The following CRACR2A variants were observed in gnomAD, a reference collection of about 807,000 sequenced individuals.
The protein encoded by CRACR2A is calcium release activated channel regulator 2A.
CRACR2A carries 79 observed loss-of-function variants against 90.5 expected under a neutral mutation model. The ratio of observed to expected loss-of-function variants is 0.87; its 90% CI spans 0.73 to 1.05. The LOEUF (loss-of-function observed/expected upper bound fraction) is 1.05. CRACR2A is among the 50% of genes least tolerant of loss of function. CRACR2A has a pLI of 0.00. For synonymous variants in CRACR2A, 338 were observed against 356.7 expected, an observed-to-expected ratio of 0.95 and a Z score of 0.59; for missense variants, 823 against 897.2, an observed-to-expected ratio of 0.92 and a Z score of 1.06.
chr12:3,725,435 TTCTC>T (rs1555119922), intron 2 of CRACR2A, among the ~76,000 whole-genome samples: 2 of 152,192 alleles, frequency 1.3e-5, no homozygotes, highest in South Asian at 2.1e-4. Flanking sequence ...TTTGGCCTTC[TTCTC>T]TCTATGTCCC....
chr12:3,713,344 C>T (rs1231921378), intron 2 of CRACR2A, 27 bp from the exon 3 acceptor site: 1 of 978,534 alleles, frequency 1.0e-6, no homozygotes, highest in Non-Finnish European at 1.2e-6. Flanking sequence ...AGATGAATCA[C>T]ACCTTATTTT....
intron 7 of CRACR2A, among the ~76,000 whole-genome samples, chr12:3,666,967 C>T (rs1445084756): frequency 6.6e-6 from 1 of 152,216 alleles, no homozygotes; most frequent in African/African-American, 2.4e-5. Context: ...AATTTAGGTA[C>T]ATTTCAGGAG....
chr12:3,622,630 ATGTG>A (rs141796637), intron 17 of CRACR2A, among the ~76,000 whole-genome samples: 15 of 150,536 alleles, frequency 1.0e-4, no homozygotes, highest in African/African-American at 3.4e-4. Context: ...GCCTATGTGC[ATGTG>A]TGTGTGTGTG....
chr12:3,752,325 C>A (rs528821620), intron 1 of CRACR2A, among the ~76,000 whole-genome samples: 2 of 135,170 alleles, frequency 1.5e-5, no homozygotes, highest in Non-Finnish European at 1.6e-5. Context: ...GACACACACT[C>A]GCACACACAC....
intron 1 of CRACR2A, among the ~76,000 whole-genome samples, chr12:3,751,832 C>A (rs1946709389): frequency 1.5e-5 from 2 of 133,286 alleles, no homozygotes; most frequent in African/African-American, 5.8e-5. Context: ...ACCTCGGAAG[C>A]CATACCTGAA....
intron 2 of CRACR2A, among the ~76,000 whole-genome samples, chr12:3,718,829 C>T (rs549614038): frequency 1.3e-5 from 2 of 152,208 alleles, no homozygotes; most frequent in South Asian, 4.1e-4. Context: ...CAGCTGTATC[C>T]CTGGCATCCA....
At chr12:3,708,526 G>A (rs1358740820) in intron 3 of CRACR2A, among the ~76,000 whole-genome samples, 1 of 152,146 alleles carries the variant, frequency 6.6e-6, no homozygotes, top group Non-Finnish European at 1.5e-5. Flanking sequence ...CCGGGTTCGC[G>A]CCATTCTCCT....
At position 3,627,458 on chromosome 12, in the gene CRACR2A, C is replaced by T. The variant is rs368501431; in HGVS notation, c.1910G>A (p.Arg637Gln). 4.2e-5 allele frequency: 65 copies of T among 1,551,966 alleles called. No individual in the cohort carries two copies. The African/African-American group carries it at 6.0e-4, about 14-fold the overall frequency. Residue 637 changes from arginine (R) to glutamine (Q), a missense_variant, in exon 17 of 20, where the codon CGG becomes CAG. Transcript: ENST00000440314. ...LTDKQSFLSV[R>Q]RWLSSVEEAV... ...CACCTCCACGCTGCTCAGCCACCGC[C>T]GGACCGACAGGAACGACTGCTTGTC...
At position 3,694,953 on chromosome 12, in the gene CRACR2A, G is replaced by A. The variant is rs769040647; in HGVS notation, c.228+1819C>T. On this transcript the variant is annotated intron_variant, in intron 4 of 19. Coordinates refer to ENST00000440314, the MANE Select transcript of CRACR2A (RefSeq NM_001144958.2). ...TCAGGAGTGAGGACTGGGGAGGAAG[G>A]TTGAGTCAGTATTTCTGGGACTTAA... is the stretch of plus-strand genomic sequence containing the variant. Among the ~76,000 whole-genome samples, 95 of 152,196 alleles carry A rather than the reference G, an allele frequency of 6.2e-4. 1 individual carries two copies. Among genetic ancestry groups the A allele is most frequent in the Non-Finnish European group, 1.3e-4 (9 of 68,040 alleles).
chr12:3,687,468 A>G lies in CRACR2A; in HGVS notation c.229-7119T>C, dbSNP rs557810152. Among the ~76,000 whole-genome samples the G allele has an allele frequency of 2.0e-4, 30 of 152,168 alleles. No individual in the cohort carries two copies. In the South Asian group the frequency reaches 6.2e-3, roughly 32 times the overall value. ...GTGGTATTTGATTTTCTGTTCCTGA[A>G]TTAGTTTGCTATGGATAATGGCCTC... On this transcript the variant is annotated intron_variant, in intron 4 of 19. Coordinates refer to ENST00000440314, the MANE Select transcript of CRACR2A (RefSeq NM_001144958.2).
chr12:3,655,930 T>G (rs1944895955), intron 9 of CRACR2A, among the ~76,000 whole-genome samples: 1 of 152,226 alleles, frequency 6.6e-6, no homozygotes, highest in Non-Finnish European at 1.5e-5. Flanking sequence ...GAAACTTATC[T>G]GCAGCCTCCC....
At chr12:3,681,054 C>T (rs377235600) in intron 4 of CRACR2A, among the ~76,000 whole-genome samples, 21 of 151,540 alleles carry the variant, frequency 1.4e-4, no homozygotes, top group Admixed American at 3.3e-4. Context: ...TACCACGATG[C>T]GGGTGCGGGT....
chr12:3,701,862 T>G (rs1945840265), intron 3 of CRACR2A, among the ~76,000 whole-genome samples: 1 of 152,016 alleles, frequency 6.6e-6, no homozygotes, highest in Non-Finnish European at 1.5e-5. Flanking sequence ...AATGAAGATA[T>G]TACAGAAAAA....
At chr12:3,672,137 C>G (rs991824338) in intron 7 of CRACR2A, among the ~76,000 whole-genome samples, 2 of 152,180 alleles carry the variant, frequency 1.3e-5, no homozygotes, top group African/African-American at 4.8e-5. Flanking sequence ...ATGCAGAGTC[C>G]TAAAAGTCCT....
At chr12:3,705,755 C>T (rs1170935196) in intron 3 of CRACR2A, among the ~76,000 whole-genome samples, 1 of 152,128 alleles carries the variant, frequency 6.6e-6, no homozygotes, top group African/African-American at 2.4e-5. Flanking sequence ...TGGAACAGAC[C>T]CCTTAAACTG....
chr12:3,621,973 C>T (rs187722865), intron 17 of CRACR2A, among the ~76,000 whole-genome samples: 1 of 152,284 alleles, frequency 6.6e-6, no homozygotes, highest in African/African-American at 2.4e-5. Context: ...GGTCATCAGT[C>T]TCTGGCACAG....
Position 3,660,872 on chromosome 12 carries a change from ACACACACACACACAC to A in CRACR2A, c.672-1233_672-1219del, listed in dbSNP as rs1466462113. 4.9e-3 allele frequency among the ~76,000 whole-genome samples: 703 copies of A among 142,834 alleles called. 9 individuals are homozygous for A. The highest frequency in any genetic ancestry group is 8.1e-3 in the Admixed American group (115 of 14,172). The allele number at this position is 142,834 out of a possible 152,430, so 93.7% of individuals were successfully genotyped here. A position where few individuals can be genotyped will look rare whatever the true frequency, so the allele number is the denominator to read the frequency against. On this transcript the variant is annotated intron_variant, in intron 7 of 19. Coordinates refer to ENST00000440314, the MANE Select transcript of CRACR2A (RefSeq NM_001144958.2). Reference sequence around the variant, plus strand: ...CACACACACACACACACACACACACACACACACACACACACAATTTTGGCCCCTGCCATTCTAACT... The same window carrying A: ...CACACACACACACACACACACACACAAATTTTGGCCCCTGCCATTCTAACT...
At chr12:3,688,006 C>T (rs1044032382) in intron 4 of CRACR2A, among the ~76,000 whole-genome samples, 2 of 152,230 alleles carry the variant, frequency 1.3e-5, no homozygotes, top group South Asian at 2.1e-4. Context: ...AGTTTCTATT[C>T]ATGTCTTTTG....
chr12:3,653,174 G>A (rs745667328), intron 10 of CRACR2A, among the ~76,000 whole-genome samples: 52 of 152,208 alleles, frequency 3.4e-4, no homozygotes, highest in Non-Finnish European at 5.7e-4. Flanking sequence ...GTAGAGATGG[G>A]GTTTCACCGT....
Sources: gnomAD v4.1 joint callset for allele counts (sites outside exome capture counted in the v4.1 genomes callset) on GRCh38, gnomAD v4.1.1 for gene constraint, MANE v1.5 for transcripts, NCBI Gene and HGNC (gene_info 2026-07-23, HGNC 2026-07-21) for gene names.